SLC10A7: variants seen among roughly 807,000 people sequenced by gnomAD.
The protein encoded by SLC10A7 is sodium/bile acid cotransporter 7.
Under a neutral mutation model 43.2 loss-of-function variants are expected in SLC10A7, and 29 were observed. The ratio of observed to expected loss-of-function variants is 0.67; its 90% confidence interval spans 0.50 to 0.92. The LOEUF is 0.92. Among genes scored for constraint, SLC10A7 ranks in the 40% least tolerant of loss-of-function variants. The pLI, the probability that SLC10A7 is intolerant of heterozygous loss-of-function variation, is 0.00. For missense variants in SLC10A7, 295 were observed against 403.2 expected (o/e 0.73, Z 2.30); for synonymous variants, 152 against 144.8 (o/e 1.05, Z -0.35).
At chr4:146,436,269 A>G (rs991010304) in intron 5 of SLC10A7, among the ~76,000 whole-genome samples, 6 of 152,142 alleles carry the variant, frequency 3.9e-5, no homozygotes, top group Non-Finnish European at 7.4e-5. Flanking sequence ...ATACATTTTT[A>G]TTAAGTAACA....
intron 10 of SLC10A7, among the ~76,000 whole-genome samples, chr4:146,259,831 C>G (rs1038797663): frequency 2.0e-5 from 3 of 152,196 alleles, no homozygotes; most frequent in African/African-American, 4.8e-5. Flanking sequence ...TTCAGAAGTG[C>G]TATGTATGTA....
chr4:146,359,853 G>T (rs991817449), intron 5 of SLC10A7, among the ~76,000 whole-genome samples: 2 of 151,948 alleles, frequency 1.3e-5, no homozygotes, highest in East Asian at 1.9e-4. Context: ...ATTATAATTT[G>T]ATTTCCTTAG....
At chr4:146,436,624 A>G (rs1482368759) in intron 5 of SLC10A7, among the ~76,000 whole-genome samples, 2 of 152,132 alleles carry the variant, frequency 1.3e-5, no homozygotes, top group Non-Finnish European at 2.9e-5. Context: ...AATGAAAACA[A>G]GATGACTCAA....
chr4:146,392,565 C>CA (rs1738518115), intron 5 of SLC10A7, among the ~76,000 whole-genome samples: 1 of 152,016 alleles, frequency 6.6e-6, no homozygotes, highest in African/African-American at 2.4e-5. Context: ...TACTGAAAAA[C>CA]AAAAAATTGG....
intron 5 of SLC10A7, among the ~76,000 whole-genome samples, chr4:146,356,107 G>A (rs981177033): frequency 4.1e-5 from 6 of 148,028 alleles, no homozygotes; most frequent in Non-Finnish European, 7.4e-5. Flanking sequence ...GCTACAATTC[G>A]ACAACTATTA....
At chr4:146,416,533 T>A (rs564414548) in intron 5 of SLC10A7, among the ~76,000 whole-genome samples, 1 of 152,236 alleles carries the variant, frequency 6.6e-6, no homozygotes, top group African/African-American at 2.4e-5. Context: ...AGAACTTACA[T>A]CCTGGTGATA....
At chr4:146,402,205 C>T (rs1283524514) in intron 5 of SLC10A7, among the ~76,000 whole-genome samples, 1 of 152,172 alleles carries the variant, frequency 6.6e-6, no homozygotes, top group South Asian at 2.1e-4. Flanking sequence ...ATACCAATAT[C>T]TGTTATATCT....
chr4:146,356,052 ATAT>A (rs375315784), intron 5 of SLC10A7, among the ~76,000 whole-genome samples: 3,617 of 117,072 alleles, frequency 0.031, 55 homozygotes, highest in African/African-American at 0.054. Flanking sequence ...AAAAAAAAAA[ATAT>A]ATATATATAT....
At chr4:146,513,102 T>C (rs1192195569) in intron 2 of SLC10A7, among the ~76,000 whole-genome samples, 1 of 152,076 alleles carries the variant, frequency 6.6e-6, no homozygotes, top group African/African-American at 2.4e-5. Context: ...TTAACATTGT[T>C]TGTCTCCAGA....
intron 4 of SLC10A7, among the ~76,000 whole-genome samples, chr4:146,456,670 G>C (rs1732087198): frequency 1.3e-5 from 2 of 151,918 alleles, no homozygotes; most frequent in South Asian, 4.1e-4. Context: ...AGAACATCAA[G>C]ATGCTCACAA....
chr4:146,431,484 C>T (rs988390294), intron 5 of SLC10A7, among the ~76,000 whole-genome samples: 2 of 151,810 alleles, frequency 1.3e-5, no homozygotes, highest in African/African-American at 4.8e-5. Context: ...GAATTTTTAC[C>T]TGACATTGTG....
chr4:146,512,890 G>T (rs751459976), intron 2 of SLC10A7, among the ~76,000 whole-genome samples: 4 of 152,018 alleles, frequency 2.6e-5, no homozygotes, highest in Non-Finnish European at 5.9e-5. Context: ...AATACATCAT[G>T]ACACATCCGT....
At chr4:146,417,165 G>C (rs1307875161) in intron 5 of SLC10A7, among the ~76,000 whole-genome samples, 2 of 152,192 alleles carry the variant, frequency 1.3e-5, no homozygotes, top group African/African-American at 4.8e-5. Context: ...TAGAGTAGGG[G>C]CTCAGCAAAG....
At chr4:146,288,408 T>C (rs950052461) in intron 9 of SLC10A7, among the ~76,000 whole-genome samples, 4 of 152,232 alleles carry the variant, frequency 2.6e-5, no homozygotes, top group African/African-American at 9.6e-5. Flanking sequence ...GTTATTGCTC[T>C]GCTTTTTCCA....
intron 7 of SLC10A7, among the ~76,000 whole-genome samples, chr4:146,300,645 T>C (rs1578825714): frequency 1.3e-5 from 2 of 152,360 alleles, no homozygotes; most frequent in East Asian, 3.9e-4. Flanking sequence ...TATGTTAATG[T>C]ACCTGTGGGC....
At chr4:146,416,871 T>C (rs1579131371) in intron 5 of SLC10A7, among the ~76,000 whole-genome samples, 2 of 152,304 alleles carry the variant, frequency 1.3e-5, no homozygotes. Context: ...TATCTCTATA[T>C]GAAACAAACA....
chr4:146,359,975 C>T (rs72952513), intron 5 of SLC10A7, among the ~76,000 whole-genome samples: 1,661 of 152,164 alleles, frequency 0.011, 25 homozygotes, highest in African/African-American at 0.037. Context: ...GACTCATCCA[C>T]AGCCACAGAG....
At chr4:146,451,231 C>CAA (rs572993886) in intron 4 of SLC10A7, among the ~76,000 whole-genome samples, 945 of 71,614 alleles carry the variant, frequency 0.013, 41 homozygotes, top group African/African-American at 0.044. Context: ...AGTCTCCCAC[C>CAA]AAAAAAAAAA....
intron 9 of SLC10A7, among the ~76,000 whole-genome samples, chr4:146,288,252 G>A (rs13140054): frequency 0.47 from 70,949 of 152,066 alleles, 16,776 homozygotes; most frequent in Admixed American, 0.57. Flanking sequence ...GCGCTGTATC[G>A]GGGAAAGCTG....
Sources: gnomAD v4.1 joint callset for allele counts (sites outside exome capture counted in the v4.1 genomes callset) on GRCh38, gnomAD v4.1.1 for gene constraint, MANE v1.5 for transcripts, NCBI Gene and HGNC (gene_info 2026-07-23, HGNC 2026-07-21) for gene names.